The following PRTG variants were observed in gnomAD, a reference collection of about 807,000 sequenced individuals.
PRTG encodes protogenin.
Under a neutral mutation model 122.5 loss-of-function variants are expected in PRTG, and 67 were observed. The ratio of observed to expected loss-of-function variants is 0.55; its 90% confidence interval spans 0.45 to 0.67. PRTG has a LOEUF of 0.67. Among genes scored for constraint, PRTG ranks in the 30% least tolerant of loss-of-function variants. The probability of loss-of-function intolerance (pLI) is 0.00; values close to 1 mark genes in which losing one functional copy is unlikely to be tolerated. For missense variants in PRTG, 1,435 were observed against 1,415.4 expected, an observed-to-expected ratio of 1.01 and a Z score of -0.22; for synonymous variants, 554 against 501.1, an observed-to-expected ratio of 1.11 and a Z score of -1.41.
At chr15:55,675,758 G>A (rs1394758941) in intron 8 of PRTG, 75 bp from the exon 9 acceptor site, 3 of 832,944 alleles carry the variant, frequency 3.6e-6, no homozygotes, top group Non-Finnish European at 3.8e-6. Flanking sequence ...CCTGCACTGT[G>A]AAACACTGGT....
intron 2 of PRTG, among the ~76,000 whole-genome samples, chr15:55,694,301 C>A (rs1373652858): frequency 6.6e-6 from 1 of 152,086 alleles, no homozygotes; most frequent in African/African-American, 2.4e-5. Flanking sequence ...CTATGGGGCA[C>A]AGATTGCAGT....
In PRTG at chr15:55,618,502, C is replaced by A. The variant is rs1355509207; in HGVS notation, c.*1510G>T. ...TTTATCCTCTCCCACTGCTCGGCAC[C>A]TAGGTAACTGTCTCATGACGGAGAA... is the stretch of plus-strand genomic sequence containing the variant. On this transcript the variant is annotated 3_prime_UTR_variant, in exon 20 of 20. Coordinates refer to ENST00000389286, the MANE Select transcript of PRTG (RefSeq NM_173814.6). 6.6e-6 allele frequency: 1 copy of A among 152,192 alleles called. No individual in the cohort carries two copies. The highest frequency in any genetic ancestry group is 1.5e-5 in the Non-Finnish European group (1 of 68,038). 9.4% of individuals were successfully genotyped at this position (152,192 alleles called of 1,614,324 possible). A position where few individuals can be genotyped will look rare whatever the true frequency, so the allele number is the denominator to read the frequency against.
chr15:55,672,239 C>A (rs996650057), intron 11 of PRTG, among the ~76,000 whole-genome samples: 7 of 152,168 alleles, frequency 4.6e-5, no homozygotes, highest in African/African-American at 1.4e-4. Flanking sequence ...GATACAATGG[C>A]TGCCTGATAT....
At chr15:55,712,816 A>G (rs773649492) in intron 2 of PRTG, among the ~76,000 whole-genome samples, 1 of 152,172 alleles carries the variant, frequency 6.6e-6, no homozygotes, top group Non-Finnish European at 1.5e-5. Flanking sequence ...GCTGTCAAAT[A>G]ACTCAAGCAA....
In PRTG at chr15:55,730,884, C is replaced by A. The variant is rs551870755; in HGVS notation, c.397+9498G>T. Among the ~76,000 whole-genome samples the A allele has an allele frequency of 2.6e-5, 4 of 152,272 alleles. No individual in the cohort carries two copies. In the South Asian group the frequency reaches 6.2e-4, roughly 24 times the overall value. ...GTGCCCTTGAGAAAGGCACTTACCC[C>A]CTCCCAGCTTCCTATTCCTTATTTG... On this transcript the variant is annotated intron_variant, in intron 2 of 19. Transcript: ENST00000389286.
intron 2 of PRTG, among the ~76,000 whole-genome samples, chr15:55,722,079 C>T (rs1269292091): frequency 6.6e-6 from 1 of 152,070 alleles, no homozygotes; most frequent in Non-Finnish European, 1.5e-5. Context: ...CTGCAACTTA[C>T]TTTTTTCAAG....
intron 11 of PRTG, among the ~76,000 whole-genome samples, chr15:55,645,433 C>CAAAAAAAAAAAAAAAAAAAAAAAAAAAA (rs374791424): frequency 1.6e-4 from 3 of 18,948 alleles, no homozygotes; most frequent in Admixed American, 1.0e-3. Context: ...AACTCCGTCT[C>CAAAAAAAAAAAAAAAAAAAAAAAAAAAA]AAAAAAAAAA....
chr15:55,679,568 CTG>C (rs1277762256), intron 6 of PRTG, 123 bp from the exon 7 acceptor site: 7 of 669,092 alleles, frequency 1.0e-5, no homozygotes, highest in Non-Finnish European at 1.7e-5. Context: ...TGCTGAGCTC[CTG>C]TCTACATCTC....
chr15:55,697,230 T>C (rs1347380642), intron 2 of PRTG, among the ~76,000 whole-genome samples: 1 of 152,192 alleles, frequency 6.6e-6, no homozygotes, highest in African/African-American at 2.4e-5. Context: ...GTTTTAACCA[T>C]TCCCTACAAT....
At chr15:55,699,867 G>C (rs915186086) in intron 2 of PRTG, among the ~76,000 whole-genome samples, 1 of 152,290 alleles carries the variant, frequency 6.6e-6, no homozygotes, top group African/African-American at 2.4e-5. Context: ...ACGAAAACAA[G>C]AAGTGGTAGA....
At chr15:55,675,109 G>C (rs543230954) in intron 9 of PRTG, among the ~76,000 whole-genome samples, 1 of 152,056 alleles carries the variant, frequency 6.6e-6, no homozygotes, top group Non-Finnish European at 1.5e-5. Context: ...TAAGTGCTAA[G>C]AATTTTTTGA....
chr15:55,640,895 G>A (rs2059286200), intron 12 of PRTG, among the ~76,000 whole-genome samples: 1 of 151,632 alleles, frequency 6.6e-6, no homozygotes, highest in Non-Finnish European at 1.5e-5. Context: ...GGTGGTGCCT[G>A]TAGTCCCAGC....
chr15:55,617,975 G>T lies in PRTG; in HGVS notation c.*2037C>A, dbSNP rs934555725. 5.3e-5 allele frequency: 8 copies of T among 152,142 alleles called. No individual in the cohort carries two copies. Among genetic ancestry groups the T allele is most frequent in the Admixed American group, 2.0e-4 (3 of 15,278 alleles). 9.4% of individuals were successfully genotyped at this position (152,142 alleles called of 1,614,324 possible). The stretch of plus-strand genomic sequence containing the variant: ...TGAGGCAGCTCAAAAGTAACAAAAC[G>T]TTCCCTGAGTACAGGAAAAAAAATA... On this transcript the variant is annotated 3_prime_UTR_variant, in exon 20 of 20. Transcript: ENST00000389286.
At chr15:55,666,163 G>A (rs1361604884) in intron 11 of PRTG, among the ~76,000 whole-genome samples, 1 of 152,210 alleles carries the variant, frequency 6.6e-6, no homozygotes, top group Non-Finnish European at 1.5e-5. Context: ...CACTCTGGCA[G>A]GATTCAGTTT....
At chr15:55,663,670 CAGCT>C (rs2059422162) in intron 11 of PRTG, among the ~76,000 whole-genome samples, 1 of 151,600 alleles carries the variant, frequency 6.6e-6, no homozygotes, top group Admixed American at 6.6e-5. Context: ...GCCTCCGAAG[CAGCT>C]GGGATTACAG....
chr15:55,682,250 T>C (rs1011616519), intron 4 of PRTG, 114 bp downstream of exon 4: 1 of 892,292 alleles, frequency 1.1e-6, no homozygotes, highest in Non-Finnish European at 1.5e-6. Flanking sequence ...CCAAATAGAT[T>C]ATAATAATTT....
intron 2 of PRTG, among the ~76,000 whole-genome samples, chr15:55,709,478 T>TA (rs1367851238): frequency 6.6e-6 from 1 of 151,410 alleles, no homozygotes; most frequent in East Asian, 1.9e-4. Flanking sequence ...CCTAAAAAGT[T>TA]AAATAGTTAA....
chr15:55,680,673 G>T, intron 4 of PRTG, 45 bp from the exon 5 acceptor site: 1 of 1,264,188 alleles, frequency 7.9e-7, no homozygotes, highest in Non-Finnish European at 1.1e-6. Context: ...TTATAAATAA[G>T]ATATAATAAG....
rs117788618 is a variant in PRTG at position 55,716,859 on chromosome 15, A to G, written c.397+23523T>C. Among the ~76,000 whole-genome samples, 35 of 151,864 alleles carry G rather than the reference A, an allele frequency of 2.3e-4. No individual in the cohort carries two copies. In the East Asian group the frequency reaches 6.6e-3, roughly 28 times the overall value. Reference sequence around the variant, plus strand: ...CATGTGTATGTACATATATATATGTACACGTGTACATATCTTCACCAAGCT... The same window carrying G: ...CATGTGTATGTACATATATATATGTGCACGTGTACATATCTTCACCAAGCT... On this transcript the variant is annotated intron_variant, in intron 2 of 19. Transcript: ENST00000389286.
Sources: gnomAD v4.1 joint callset for allele counts (sites outside exome capture counted in the v4.1 genomes callset) on GRCh38, gnomAD v4.1.1 for gene constraint, MANE v1.5 for transcripts, NCBI Gene and HGNC (gene_info 2026-07-23, HGNC 2026-07-21) for gene names.